The following ZNF532 variants were observed in gnomAD, a reference collection of about 807,000 sequenced individuals.
ZNF532 encodes the protein zinc finger protein 532.
Under a neutral mutation model 89.3 loss-of-function variants are expected in ZNF532, and 22 were observed. That is an observed-to-expected ratio of 0.25 (90% CI 0.18 to 0.35). The LOEUF (loss-of-function observed/expected upper bound fraction) is 0.35. Ranked by LOEUF, ZNF532 falls within the 10% of genes least tolerant of loss-of-function variation. The pLI is 1.00. For synonymous variants in ZNF532, 606 were observed against 649.6 expected, an observed-to-expected ratio of 0.93 and a Z score of 1.02; for missense variants, 1,132 against 1,643.4, an observed-to-expected ratio of 0.69 and a Z score of 5.38.
chr18:58,953,443 G>A lies in ZNF532; in HGVS notation c.2869-75G>A. 3 of 1,317,078 alleles carry A rather than the reference G, an allele frequency of 2.3e-6. No individual in the cohort carries two copies. In the South Asian group the frequency reaches 4.3e-5, roughly 19 times the overall value. 81.6% of individuals were successfully genotyped at this position (1,317,078 alleles called of 1,614,324 possible). A position where few individuals can be genotyped will look rare whatever the true frequency, so the allele number is the denominator to read the frequency against. On this transcript the variant is annotated intron_variant, in intron 6 of 9. Transcript: ENST00000591808. ...ACTGGTGTTGAAATGTGTACCACAT[G>A]TTAAGATAGCATACTTGTGCTTTCT...
intron 7 of ZNF532, among the ~76,000 whole-genome samples, chr18:58,959,260 G>GTTTTTTTTTTTTTTT (rs1459830009): frequency 3.7e-4 from 47 of 128,698 alleles, no homozygotes; most frequent in African/African-American, 1.2e-3. Flanking sequence ...TTTGTTTTTT[G>GTTTTTTTTTTTTTTT]TTTTTTTTTG....
intron 4 of ZNF532, among the ~76,000 whole-genome samples, 182 bp from the exon 5 acceptor site, chr18:58,939,263 A>C (rs1221627964): frequency 1.3e-5 from 2 of 149,520 alleles, no homozygotes; most frequent in Non-Finnish European, 3.0e-5. Context: ...AAAAAAAAAA[A>C]AAAAAAAAAA....
chr18:58,888,835 T>TA, intron 2 of ZNF532, among the ~76,000 whole-genome samples: 1 of 57,710 alleles, frequency 1.7e-5, no homozygotes, highest in Non-Finnish European at 2.7e-5. Context: ...AAATTATATA[T>TA]ATAATTTATA....
intron 5 of ZNF532, chr18:58,940,394 C>T (rs1336720001): frequency 5.3e-5 from 8 of 151,694 alleles, no homozygotes; most frequent in Non-Finnish European, 1.2e-4. Context: ...TTTTTTTTTG[C>T]CTTAATCTTG....
At chr18:58,899,531 C>T (rs909517186) in intron 2 of ZNF532, among the ~76,000 whole-genome samples, 13 of 151,994 alleles carry the variant, frequency 8.6e-5, no homozygotes, top group African/African-American at 3.1e-4. Context: ...TGCAGTGGCG[C>T]GATCTTGACT....
At chr18:58,886,309 T>A (rs1377741900) in intron 2 of ZNF532, among the ~76,000 whole-genome samples, 2 of 152,170 alleles carry the variant, frequency 1.3e-5, no homozygotes, top group African/African-American at 4.8e-5. Context: ...TATCTAGGAA[T>A]TTTACGTGTC....
intron 2 of ZNF532, among the ~76,000 whole-genome samples, chr18:58,888,858 A>ATATATATAATT (rs2058640089): frequency 4.8e-5 from 2 of 41,402 alleles, no homozygotes; most frequent in African/African-American, 2.8e-4. Flanking sequence ...TATATAATTT[A>ATATATATAATT]TATATATATA....
chr18:58,908,090 T>G (rs1286752088), intron 2 of ZNF532, among the ~76,000 whole-genome samples: 2 of 152,364 alleles, frequency 1.3e-5, no homozygotes, highest in Admixed American at 6.5e-5. Flanking sequence ...TATGCTGTTT[T>G]GTGCTGTGTG....
intron 7 of ZNF532, among the ~76,000 whole-genome samples, chr18:58,957,408 T>TAC (rs1308057582): frequency 2.9e-3 from 38 of 13,036 alleles, no homozygotes; most frequent in African/African-American, 0.02. Context: ...TTAAAATACA[T>TAC]ATATATATAT....
intron 7 of ZNF532, among the ~76,000 whole-genome samples, chr18:58,976,495 C>G (rs1028773451): frequency 5.9e-5 from 9 of 152,024 alleles, no homozygotes; most frequent in Non-Finnish European, 8.8e-5. Flanking sequence ...TCTTTATAAT[C>G]TGTTAGGATT....
intron 5 of ZNF532, among the ~76,000 whole-genome samples, chr18:58,945,752 G>A (rs1006314865): frequency 2.7e-5 from 4 of 149,306 alleles, no homozygotes; most frequent in East Asian, 2.0e-4. Flanking sequence ...TTTTTGAGAC[G>A]GAGTCTCCCT....
At chr18:58,935,927 G>A (rs1189391957) in intron 4 of ZNF532, among the ~76,000 whole-genome samples, 1 of 152,038 alleles carries the variant, frequency 6.6e-6, no homozygotes, top group East Asian at 1.9e-4. Context: ...TTAAGTTTAG[G>A]TTCTGGTATC....
intron 8 of ZNF532, chr18:58,981,117 C>T (rs545935038): frequency 4.2e-6 from 1 of 239,246 alleles, no homozygotes; most frequent in African/African-American, 2.3e-5. Flanking sequence ...GCTGGACACT[C>T]ATGTCTTTGT....
chr18:58,931,914 T>A (rs2061996401), intron 3 of ZNF532, among the ~76,000 whole-genome samples: 1 of 152,144 alleles, frequency 6.6e-6, no homozygotes, highest in Non-Finnish European at 1.5e-5. Context: ...TACTCCAGCC[T>A]GGGCAACAAA....
At position 58,882,218 on chromosome 18, in the gene ZNF532, G is replaced by T. The variant is rs76529531; in HGVS notation, c.-18+16639G>T. On this transcript the variant is annotated intron_variant, in intron 2 of 9. Coordinates refer to ENST00000591808, the MANE Select transcript of ZNF532 (RefSeq NM_001375912.1). ...TCATTTCTATGGCATGAAACTTTAG[G>T]TGGAGTCTCTTTAGAAATACTTCAT... Among the ~76,000 whole-genome samples the T allele has an allele frequency of 9.1e-4, 139 of 152,278 alleles. 1 individual carries two copies. In the East Asian group the frequency reaches 0.021, roughly 23 times the overall value.
chr18:58,969,924 G>A (rs535792315), intron 7 of ZNF532, among the ~76,000 whole-genome samples: 2 of 119,168 alleles, frequency 1.7e-5, no homozygotes, highest in Non-Finnish European at 3.2e-5. Flanking sequence ...TCGTTTTGTC[G>A]CCTAGGCTGG....
chr18:58,888,713 ATATATATATAT>A (rs2058496698), intron 2 of ZNF532, among the ~76,000 whole-genome samples: 1 of 17,702 alleles, frequency 5.6e-5, no homozygotes, highest in African/African-American at 2.2e-4. Flanking sequence ...ATATATATAT[ATATATATATAT>A]AAATTATATA....
At chr18:58,979,277 C>T in intron 8 of ZNF532, 110 bp downstream of exon 8, 2 of 658,552 alleles carry the variant, frequency 3.0e-6, no homozygotes, top group South Asian at 6.5e-5. Context: ...TCCTACATTA[C>T]ATTTCTCAAT....
intron 4 of ZNF532, 108 bp downstream of exon 4, chr18:58,934,722 G>A (rs111868815): frequency 3.8e-5 from 40 of 1,061,068 alleles, no homozygotes; most frequent in Middle Eastern, 2.2e-4. Context: ...GTGATACCTC[G>A]ATTAACAGAT....
Sources: gnomAD v4.1 joint callset for allele counts (sites outside exome capture counted in the v4.1 genomes callset) on GRCh38, gnomAD v4.1.1 for gene constraint, MANE v1.5 for transcripts, NCBI Gene and HGNC (gene_info 2026-07-23, HGNC 2026-07-21) for gene names.